Variants in CFAP92 observed in about 807,000 individuals in gnomAD.
CFAP92 encodes the protein cilia and flagella associated protein 92 (putative).
Under a neutral mutation model 106.3 loss-of-function variants are expected in CFAP92, and 86 were observed. The observed-to-expected ratio is 0.81, with a 90% CI of 0.68 to 0.97. The LOEUF is 0.97. Ranked by LOEUF, CFAP92 falls within the 50% of genes least tolerant of loss-of-function variation. CFAP92 has a pLI of 0.00. For missense variants in CFAP92, 1,204 were observed against 1,283.8 expected (o/e 0.94, Z 0.95); for synonymous variants, 477 against 506.4 (o/e 0.94, Z 0.78).
At chr3:128,928,261 T>G (rs974149964) in intron 12 of CFAP92, among the ~76,000 whole-genome samples, 8 of 151,858 alleles carry the variant, frequency 5.3e-5, no homozygotes, top group Non-Finnish European at 1.2e-4. Flanking sequence ...CCAAAAAAAA[T>G]AAATAAACAA....
intron 9 of CFAP92, among the ~76,000 whole-genome samples, chr3:128,961,141 A>C (rs1176723885): frequency 6.6e-6 from 1 of 152,184 alleles, no homozygotes; most frequent in African/African-American, 2.4e-5. Flanking sequence ...GTAGTTCCAA[A>C]TAGCCAGAAA....
At chr3:129,002,553 A>C in intron 1 of CFAP92, 7 of 820,418 alleles carry the variant, frequency 8.5e-6, no homozygotes, top group Non-Finnish European at 1.2e-5. Flanking sequence ...GAAAACCCCA[A>C]TCACACTCAA....
intron 8 of CFAP92, 183 bp downstream of exon 8, chr3:128,971,104 C>G (rs1942757495): frequency 1.2e-6 from 1 of 834,600 alleles, no homozygotes; most frequent in East Asian, 2.7e-5. Context: ...GGCAAGGTAG[C>G]TACCCTCTCT....
intron 1 of CFAP92, 25 bp from the exon 2 acceptor site, chr3:128,993,361 T>C (rs1576658265): frequency 6.5e-7 from 1 of 1,531,198 alleles, no homozygotes. Flanking sequence ...GTGAAGGCTG[T>C]CCCCGCCTGT....
chr3:128,943,036 C>T (rs556463662), intron 10 of CFAP92, among the ~76,000 whole-genome samples: 1 of 150,976 alleles, frequency 6.6e-6, no homozygotes, highest in Non-Finnish European at 1.5e-5. Context: ...TCTCCTGCCT[C>T]AGCCTCCTGA....
At chr3:129,024,016 C>T in the CFAP92 span, among the ~76,000 whole-genome samples, 1 of 152,176 alleles carries the variant, frequency 6.6e-6, no homozygotes, top group Non-Finnish European at 1.5e-5. Flanking sequence ...CTGGCCTGGC[C>T]TTTCCTTGCA....
intron 9 of CFAP92, among the ~76,000 whole-genome samples, chr3:128,958,259 A>G (rs1307599352): frequency 1.3e-5 from 2 of 152,222 alleles, no homozygotes; most frequent in East Asian, 3.8e-4. Flanking sequence ...AAAAGTATAG[A>G]GATAGCAAAT....
chr3:128,978,565 C>G (rs56188375), intron 4 of CFAP92, among the ~76,000 whole-genome samples: 32,085 of 152,054 alleles, frequency 0.21, 3,722 homozygotes, highest in Middle Eastern at 0.27. Flanking sequence ...TGCAGTCCAG[C>G]CTGGCTAAGA....
intron 9 of CFAP92, among the ~76,000 whole-genome samples, chr3:128,964,170 T>C (rs1412281702): frequency 6.6e-6 from 1 of 152,198 alleles, no homozygotes; most frequent in Non-Finnish European, 1.5e-5. Context: ...TTATATCCCT[T>C]ACGGTCCTCC....
the CFAP92 span, among the ~76,000 whole-genome samples, chr3:129,019,230 T>A: frequency 6.6e-6 from 1 of 152,254 alleles, no homozygotes; most frequent in Non-Finnish European, 1.5e-5. Flanking sequence ...ACAAGGGTAT[T>A]CTGCTGGATA....
At chr3:129,001,674 G>C in intron 1 of CFAP92, 1 of 1,456,262 alleles carries the variant, frequency 6.9e-7, no homozygotes, top group South Asian at 1.4e-5. Context: ...GGAGGGCGCG[G>C]GAGGTGACCC....
chr3:128,981,376 G>A (rs1284415612), intron 4 of CFAP92, among the ~76,000 whole-genome samples: 1 of 149,282 alleles, frequency 6.7e-6, no homozygotes, highest in African/African-American at 2.5e-5. Flanking sequence ...TGTCACCCAG[G>A]CTGGAGTGCA....
At chr3:128,917,998 A>C (rs1335166339) in intron 12 of CFAP92, among the ~76,000 whole-genome samples, 1 of 152,234 alleles carries the variant, frequency 6.6e-6, no homozygotes, top group African/African-American at 2.4e-5. Context: ...TACAAAGATA[A>C]ACTCTCAAAG....
chr3:128,959,241 G>A (rs931069353), intron 9 of CFAP92, among the ~76,000 whole-genome samples: 7 of 151,900 alleles, frequency 4.6e-5, no homozygotes, highest in Non-Finnish European at 1.0e-4. Context: ...TAAAAAAGAC[G>A]ACAAAAAGGA....
At chr3:128,989,200 TAAAGTGA>T (rs1008982595) in intron 2 of CFAP92, among the ~76,000 whole-genome samples, 3 of 150,594 alleles carry the variant, frequency 2.0e-5, no homozygotes, top group Non-Finnish European at 4.4e-5. Context: ...GTGATAGAGT[TAAAGTGA>T]AATCACATGG....
At chr3:128,989,005 T>TGA in intron 2 of CFAP92, 87 bp from the exon 3 acceptor site, 2 of 1,020,622 alleles carry the variant, frequency 2.0e-6, no homozygotes, top group Non-Finnish European at 2.9e-6. Context: ...CTTGATGTTG[T>TGA]GAGAGGCTGA....
chr3:128,937,531 C>T (rs1216222299), intron 10 of CFAP92, among the ~76,000 whole-genome samples: 3 of 151,146 alleles, frequency 2.0e-5, no homozygotes, highest in African/African-American at 7.3e-5. Flanking sequence ...ACTCAGGAGG[C>T]GGAGCTTGCG....
intron 9 of CFAP92, among the ~76,000 whole-genome samples, chr3:128,959,699 A>G (rs1576527284): frequency 6.6e-6 from 1 of 152,330 alleles, no homozygotes; most frequent in Middle Eastern, 3.4e-3. Flanking sequence ...CATGACCTGC[A>G]TGTGAAGAGC....
At chr3:128,915,927 G>A (rs1015863160) in intron 13 of CFAP92, 180 bp downstream of exon 13, 52 of 446,338 alleles carry the variant, frequency 1.2e-4, no homozygotes, top group Non-Finnish European at 6.1e-5. Flanking sequence ...CTCAGGTGTG[G>A]AGGATTCACA....
Sources: allele counts gnomAD v4.1 joint callset (sites outside exome capture counted in the v4.1 genomes callset), GRCh38; gene constraint gnomAD v4.1.1; transcripts MANE v1.5; gene names NCBI Gene and HGNC (gene_info 2026-07-23, HGNC 2026-07-21).